The following CNTN4 variants were observed in gnomAD, a reference collection of about 807,000 sequenced individuals.
CNTN4 encodes contactin 4, also known as contactin-4.
A neutral mutation model predicts 122.5 loss-of-function variants in CNTN4; 77 were observed. The ratio of observed to expected loss-of-function variants is 0.63; its 90% confidence interval spans 0.52 to 0.76. The LOEUF (loss-of-function observed/expected upper bound fraction) is 0.76, where lower values mean the gene tolerates loss of function less well. Among genes scored for constraint, CNTN4 ranks in the 30% least tolerant of loss-of-function variants. CNTN4 has a pLI of 0.00. For synonymous variants in CNTN4, 512 were observed against 447.0 expected (o/e 1.15, Z -1.83); for missense variants, 1,256 against 1,259.1 (o/e 1.00, Z 0.04).
intron 4 of CNTN4, among the ~76,000 whole-genome samples, chr3:2,633,103 A>G (rs1227929583): frequency 6.6e-6 from 1 of 151,914 alleles, no homozygotes; most frequent in Non-Finnish European, 1.5e-5. Context: ...AGTCTTCTCC[A>G]TGTTGTTTCT....
intron 4 of CNTN4, among the ~76,000 whole-genome samples, chr3:2,707,180 C>T (rs1393896218): frequency 6.6e-6 from 1 of 151,798 alleles, no homozygotes; most frequent in Non-Finnish European, 1.5e-5. Flanking sequence ...GTGATGCATG[C>T]CTGTAGTCCC....
In CNTN4 at chr3:3,057,321, A is replaced by C. The variant is rs190688426; in HGVS notation, c.*1101A>C. 3.3e-5 allele frequency: 5 copies of C among 152,780 alleles called. No homozygotes were observed. The highest frequency in any genetic ancestry group is 7.2e-5 in the African/African-American group (3 of 41,592). The allele number at this position is 152,780 out of a possible 1,614,324, so 9.5% of individuals were successfully genotyped here. On this transcript the variant is annotated 3_prime_UTR_variant, in exon 25 of 25. Transcript: ENST00000418658. ...CTGCAAGAATTTTTAATATGACTCTATAAAAGCTCTTTAGTACAATTGTAT... is the reference window on the plus strand; with the variant it reads ...CTGCAAGAATTTTTAATATGACTCTCTAAAAGCTCTTTAGTACAATTGTAT...
intron 2 of CNTN4, among the ~76,000 whole-genome samples, chr3:2,189,392 A>C (rs1338734617): frequency 1.3e-5 from 2 of 152,200 alleles, no homozygotes; most frequent in Non-Finnish European, 2.9e-5. Flanking sequence ...AACCAGCTGA[A>C]GAACTCAGCA....
At chr3:2,631,729 G>T (rs2082436664) in intron 4 of CNTN4, among the ~76,000 whole-genome samples, 1 of 151,568 alleles carries the variant, frequency 6.6e-6, no homozygotes. Context: ...AGTTTATGCA[G>T]TATTAAAAAT....
At chr3:2,129,022 A>G (rs1207508456) in intron 2 of CNTN4, among the ~76,000 whole-genome samples, 1 of 152,160 alleles carries the variant, frequency 6.6e-6, no homozygotes, top group Non-Finnish European at 1.5e-5. Flanking sequence ...CTACAGACTA[A>G]CATTTTCTAT....
intron 14 of CNTN4, among the ~76,000 whole-genome samples, chr3:3,012,884 C>A (rs1216345573): frequency 6.6e-6 from 1 of 151,720 alleles, no homozygotes; most frequent in African/African-American, 2.4e-5. Flanking sequence ...GAGAGAATTG[C>A]TTGAAACTGG....
intron 2 of CNTN4, among the ~76,000 whole-genome samples, chr3:2,276,838 C>T (rs2041527977): frequency 2.0e-5 from 3 of 152,016 alleles, no homozygotes; most frequent in Admixed American, 2.0e-4. Flanking sequence ...ATCGCTTGAA[C>T]CTGGGAGGCA....
intron 3 of CNTN4, among the ~76,000 whole-genome samples, chr3:2,408,893 G>T (rs1226042699): frequency 6.6e-6 from 1 of 151,978 alleles, no homozygotes; most frequent in Non-Finnish European, 1.5e-5. Flanking sequence ...ACTTACCTAA[G>T]GTCTCATAAC....
At chr3:2,227,479 A>G (rs532763447) in intron 2 of CNTN4, among the ~76,000 whole-genome samples, 13 of 152,298 alleles carry the variant, frequency 8.5e-5, no homozygotes, top group African/African-American at 2.9e-4. Flanking sequence ...AGCATAAGGT[A>G]TGAAAGGATG....
At chr3:2,779,081 C>G (rs188622873) in intron 6 of CNTN4, among the ~76,000 whole-genome samples, 2 of 152,224 alleles carry the variant, frequency 1.3e-5, no homozygotes, top group East Asian at 3.9e-4. Context: ...TTATATATAG[C>G]TGACAATGAA....
chr3:2,603,409 G>A (rs2619563), intron 4 of CNTN4, among the ~76,000 whole-genome samples: 137,299 of 152,186 alleles, frequency 0.9, 62,180 homozygotes, highest in East Asian at 1. Context: ...TGGTTTATCG[G>A]TATTTTTCTG....
intron 4 of CNTN4, among the ~76,000 whole-genome samples, chr3:2,713,415 G>A (rs372322210): frequency 2.6e-4 from 40 of 152,306 alleles, no homozygotes; most frequent in Non-Finnish European, 5.0e-4. Context: ...AGAGTGGAAA[G>A]TCGTATAGAG....
At chr3:3,007,376 T>A (rs1333391674) in intron 14 of CNTN4, among the ~76,000 whole-genome samples, 1 of 152,192 alleles carries the variant, frequency 6.6e-6, no homozygotes, top group African/African-American at 2.4e-5. Flanking sequence ...TGATTAACCC[T>A]CCCTGTAAGA....
intron 2 of CNTN4, among the ~76,000 whole-genome samples, chr3:2,151,763 C>T (rs535542497): frequency 6.6e-6 from 1 of 152,116 alleles, no homozygotes; most frequent in Non-Finnish European, 1.5e-5. Context: ...GGAAAACAGA[C>T]CTGAGCTAGG....
At chr3:2,722,308 G>T (rs575216657) in intron 4 of CNTN4, among the ~76,000 whole-genome samples, 35 of 152,174 alleles carry the variant, frequency 2.3e-4, no homozygotes, top group Non-Finnish European at 4.7e-4. Flanking sequence ...TCTATCCTCA[G>T]TGTGAATAGT....
rs369670696 is a variant in CNTN4, at chr3:2,402,565, A to G, written c.-89+63332A>G. Among the ~76,000 whole-genome samples the G allele has an allele frequency of 6.6e-5, 10 of 152,070 alleles. No homozygotes were observed. The East Asian group carries it at 1.5e-3, about 23-fold the overall frequency. ...ATTTATCTGTATTAGGAACATTTGA[A>G]TTCCACTCTTTCAGTTATTTTGAAA... On this transcript the variant is annotated intron_variant, in intron 3 of 24. Transcript: ENST00000418658.
At chr3:2,735,052 T>C (rs193142919) in intron 4 of CNTN4, among the ~76,000 whole-genome samples, 21 of 152,328 alleles carry the variant, frequency 1.4e-4, no homozygotes, top group African/African-American at 5.1e-4. Context: ...CTGTACTTGG[T>C]ACCACAAGAG....
chr3:2,165,071 G>A (rs2036137858), intron 2 of CNTN4, among the ~76,000 whole-genome samples: 2 of 152,184 alleles, frequency 1.3e-5, no homozygotes, highest in South Asian at 2.1e-4. Flanking sequence ...GCCTGTAATC[G>A]CAGCACTTTG....
intron 7 of CNTN4, among the ~76,000 whole-genome samples, chr3:2,825,121 C>G (rs1464845146): frequency 6.6e-6 from 1 of 152,106 alleles, no homozygotes; most frequent in Non-Finnish European, 1.5e-5. Context: ...TGCCTCTTGC[C>G]TATAATTCTA....
Sources: gnomAD v4.1 joint callset for allele counts (sites outside exome capture counted in the v4.1 genomes callset) on GRCh38, gnomAD v4.1.1 for gene constraint, MANE v1.5 for transcripts, NCBI Gene and HGNC (gene_info 2026-07-23, HGNC 2026-07-21) for gene names.